CLCN6: variants seen among roughly 807,000 people sequenced by gnomAD.
CLCN6 encodes the protein Cl-/H+ antiporter 6.
In CLCN6, 70 loss-of-function variants were observed where a neutral mutation model predicts 109.8. The observed-to-expected ratio is 0.64, with a 90% CI of 0.53 to 0.78. The LOEUF (loss-of-function observed/expected upper bound fraction) is 0.78. Ranked by LOEUF, CLCN6 falls within the 30% of genes least tolerant of loss-of-function variation. The probability of loss-of-function intolerance (pLI) is 0.00; values close to 1 mark genes in which losing one functional copy is unlikely to be tolerated. For missense variants in CLCN6, 984 were observed against 1,142.3 expected (o/e 0.86, Z 2.00); for synonymous variants, 444 against 447.8 (o/e 0.99, Z 0.11).
chr1:11,838,358 C>G lies in CLCN6; in HGVS notation c.2319C>G (p.Ser773=). 6.2e-7 allele frequency: 1 copy of G among 1,613,954 alleles called. No homozygotes were observed. The highest frequency in any genetic ancestry group is 1.1e-5 in the South Asian group (1 of 91,084). The change falls in exon 21 of 23, where the codon TCC becomes TCG. Residue 773 remains serine (S), a synonymous_variant. Coordinates refer to ENST00000346436, the MANE Select transcript of CLCN6 (RefSeq NM_001286.5). ...AGAGCGCCAGCCAGCCGCGCCTCTC[C>G]TATGCCGAGATGGCCGAGGACTACC... is the stretch of plus-strand genomic sequence containing the variant. ...SQSSASQPRL[S]YAEMAEDYPR... is the part of the protein sequence containing the mutation.
chr1:11,834,375 C>G lies in CLCN6; in HGVS notation c.1666C>G (p.Pro556Ala). Reference protein sequence around the residue: ...ESTNEITYGLPIMVTLMVAKW... With the variant: ...ESTNEITYGLAIMVTLMVAKW... ...CACCAATGAGATCACCTACGGGCTC[C>G]CCATCATGGTCACACTGATGGTGAG... is the stretch of plus-strand genomic sequence containing the variant. The change falls in exon 16 of 23, where the codon CCC (proline) becomes GCC (alanine). Residue 556 changes from proline to alanine, a missense_variant. Coordinates refer to ENST00000346436, the MANE Select transcript of CLCN6 (RefSeq NM_001286.5). This position sits in a 1 kb window ranked among gnomAD's most constrained non-coding sequence, Gnocchi z 4.5. The G allele has an allele frequency of 6.2e-7, 1 of 1,614,046 alleles. No individual in the cohort carries two copies.
At chr1:11,829,117 G>T (rs993028843) in intron 12 of CLCN6, 79 bp from the exon 13 acceptor site, 6 of 1,547,710 alleles carry the variant, frequency 3.9e-6, no homozygotes, top group Middle Eastern at 2.3e-4. Flanking sequence ...GGGGCTGGGG[G>T]TAGGCAGGGT....
chr1:11,838,014 G>T (rs1006815923), intron 20 of CLCN6, among the ~76,000 whole-genome samples: 2 of 152,172 alleles, frequency 1.3e-5, no homozygotes, highest in African/African-American at 4.8e-5. Context: ...ATATCTTTTG[G>T]TGGGGGGACA....
rs1645030235 is a variant in CLCN6, at chr1:11,842,041, C to T, written c.*1818C>T. 1 of 152,200 alleles carries T rather than the reference C, an allele frequency of 6.6e-6. No individual in the cohort carries two copies. Among genetic ancestry groups the T allele is most frequent in the Non-Finnish European group, 1.5e-5 (1 of 68,046 alleles). 9.4% of individuals were successfully genotyped at this position (152,200 alleles called of 1,614,324 possible). A position where few individuals can be genotyped will look rare whatever the true frequency, so the allele number is the denominator to read the frequency against. ...TATGGCAGTGTTCAGAGCTTGATCA[C>T]GTTATTTCTTCCTTTTATTAAGAAG... On this transcript the variant is annotated 3_prime_UTR_variant, in exon 23 of 23. Transcript: ENST00000346436.
At position 11,840,261 on chromosome 1, in the gene CLCN6, G is replaced by A; in HGVS notation, c.*38G>A. On this transcript the variant is annotated 3_prime_UTR_variant, in exon 23 of 23. Coordinates refer to ENST00000346436, the MANE Select transcript of CLCN6 (RefSeq NM_001286.5). ...CCCTCTCCTGGTGCTGCCTGGGGAG[G>A]CAAATCATGCTCACTCCGGCGGGCA... The A allele has an allele frequency of 3.2e-6, 5 of 1,555,366 alleles. No homozygotes were observed. Among genetic ancestry groups the A allele is most frequent in the South Asian group, 1.1e-5 (1 of 90,072 alleles).
intron 17 of CLCN6, among the ~76,000 whole-genome samples, chr1:11,835,655 C>T (rs1263410690): frequency 2.6e-5 from 4 of 152,080 alleles, no homozygotes; most frequent in African/African-American, 4.8e-5. Context: ...TGCAGGGCAC[C>T]GAGGAGGGCG....
At chr1:11,807,243 C>A (rs1451261491) in intron 2 of CLCN6, 53 bp downstream of exon 2, 4 of 1,489,660 alleles carry the variant, frequency 2.7e-6, no homozygotes, top group Non-Finnish European at 2.8e-6. Flanking sequence ...GGCCTGGTCA[C>A]TTCAGGCCGA....
At position 11,828,833 on chromosome 1, in the gene CLCN6, C is replaced by G. The variant is rs144593196; in HGVS notation, c.1121+209C>G. ...TTGATGTCAGAGTTGCTGGTTGACT[C>G]CCTGCCTGTCCTGACTTGGCCACTC... On this transcript the variant is annotated intron_variant, in intron 12 of 22. Transcript: ENST00000346436. Among the ~76,000 whole-genome samples the G allele has an allele frequency of 4.2e-3, 634 of 152,314 alleles. 9 individuals carry two copies. Among genetic ancestry groups the G allele is most frequent in the African/African-American group, 0.015 (606 of 41,568 alleles).
chr1:11,824,389 G>T, intron 7 of CLCN6, 97 bp from the exon 8 acceptor site: 1 of 882,540 alleles, frequency 1.1e-6, no homozygotes, highest in Non-Finnish European at 1.8e-6. Context: ...GATCATCTCT[G>T]TTCAGTTGTC....
chr1:11,824,899 A>G (rs1025071434), intron 8 of CLCN6, among the ~76,000 whole-genome samples: 35 of 152,190 alleles, frequency 2.3e-4, no homozygotes, highest in South Asian at 2.1e-4. Flanking sequence ...CGAAGCATCG[A>G]CTGACATGGT....
In CLCN6 at chr1:11,834,611, A is replaced by G. The variant is rs371624055; in HGVS notation, c.1793+21A>G. 2.9e-5 allele frequency: 47 copies of G among 1,596,724 alleles called. No homozygotes were observed. In the African/African-American group the frequency reaches 5.5e-4, roughly 19 times the overall value. On this transcript the variant is annotated intron_variant, in intron 17 of 22. Coordinates refer to ENST00000346436, the MANE Select transcript of CLCN6 (RefSeq NM_001286.5). The surrounding 1 kb of genome is among the most constrained non-coding windows in gnomAD (Gnocchi z 4.5). ...GACAAGTAAGGCCATGATTTTGCTC[A>G]TGTCCTAGTTTCAGAATGTATAAGC...
At chr1:11,808,402 C>A (rs1024380239) in intron 2 of CLCN6, among the ~76,000 whole-genome samples, 2 of 152,028 alleles carry the variant, frequency 1.3e-5, no homozygotes, top group Non-Finnish European at 2.9e-5. Context: ...CCGCCCTTCC[C>A]ATGTTATTTT....
At chr1:11,829,533 C>T (rs998885129) in intron 13 of CLCN6, among the ~76,000 whole-genome samples, 2 of 151,946 alleles carry the variant, frequency 1.3e-5, no homozygotes, top group Non-Finnish European at 2.9e-5. Flanking sequence ...CTTCTGTGAA[C>T]AACCCTGGCG....
chr1:11,821,073 TC>T lies in CLCN6; in HGVS notation c.346+1520del, dbSNP rs1320865192. On this transcript the variant is annotated intron_variant, in intron 5 of 22. Coordinates refer to ENST00000346436, the MANE Select transcript of CLCN6 (RefSeq NM_001286.5). The stretch of plus-strand genomic sequence containing the variant: ...CCTGGGCAATGAGAGCAAAACTGTC[TC>T]AAAAAACAACAACAAAAAAAAAAAA... 3.7e-4 allele frequency among the ~76,000 whole-genome samples: 46 copies of T among 123,098 alleles called. 1 individual carries two copies. The highest frequency in any genetic ancestry group is 5.5e-4 in the Non-Finnish European group (32 of 58,260). 80.8% of individuals were successfully genotyped at this position (123,098 alleles called of 152,430 possible).
chr1:11,834,217 C>T lies in CLCN6; in HGVS notation c.1527-19C>T, dbSNP rs538123516. 31 of 1,606,314 alleles carry T rather than the reference C, an allele frequency of 1.9e-5. No homozygotes were observed. Among genetic ancestry groups the T allele is most frequent in the African/African-American group, 9.4e-5 (7 of 74,634 alleles). On this transcript the variant is annotated intron_variant, in intron 15 of 22. Coordinates refer to ENST00000346436, the MANE Select transcript of CLCN6 (RefSeq NM_001286.5). The surrounding 1 kb of genome is among the most constrained non-coding windows in gnomAD (Gnocchi z 4.5). ...TCAGTGTGGTTCAAAGCCATGTTCT[C>T]GGTGTTTTCCTTCACTAGCTACATT...
In CLCN6 at chr1:11,842,944, G is replaced by T. The variant is rs1341810037; in HGVS notation, c.*2721G>T. 6.6e-6 allele frequency: 1 copy of T among 152,286 alleles called. No homozygotes were observed. Among genetic ancestry groups the T allele is most frequent in the Non-Finnish European group, 1.5e-5 (1 of 68,058 alleles). 9.4% of individuals were successfully genotyped at this position (152,286 alleles called of 1,614,324 possible). ...TTGCACCACAGCTCTGCGGACCTTG[G>T]CCATTGCCGCAGTCGCAGCTTCCTT... On this transcript the variant is annotated 3_prime_UTR_variant, in exon 23 of 23. Coordinates refer to ENST00000346436, the MANE Select transcript of CLCN6 (RefSeq NM_001286.5).
chr1:11,835,853 G>C (rs566283091), intron 17 of CLCN6, 114 bp from the exon 18 acceptor site: 19 of 784,946 alleles, frequency 2.4e-5, no homozygotes, highest in Admixed American at 2.3e-4. Flanking sequence ...GGGCAGTTCA[G>C]AAGAGCCCCC....
chr1:11,811,088 G>A (rs1460023137), intron 2 of CLCN6, among the ~76,000 whole-genome samples: 2 of 152,022 alleles, frequency 1.3e-5, no homozygotes, highest in Admixed American at 6.6e-5. Flanking sequence ...TGGCTAACCT[G>A]TGGTCCCCCC....
rs138451731 is a variant in CLCN6 at position 11,817,297 on chromosome 1, G to A, written c.279+617G>A. ...TCGTGGGTACGGAACTGTGAACATC[G>A]TGCCCTTCATTTAGCACAGCGTGCC... On this transcript the variant is annotated intron_variant, in intron 4 of 22. Coordinates refer to ENST00000346436, the MANE Select transcript of CLCN6 (RefSeq NM_001286.5). Among the ~76,000 whole-genome samples the A allele has an allele frequency of 2.0e-3, 303 of 152,242 alleles. 1 individual carries two copies. Among genetic ancestry groups the A allele is most frequent in the African/African-American group, 6.3e-3 (260 of 41,544 alleles).
Sources: allele counts gnomAD v4.1 joint callset (sites outside exome capture counted in the v4.1 genomes callset), GRCh38; gene constraint gnomAD v4.1.1; non-coding constraint Gnocchi (gnomAD v3.1); transcripts MANE v1.5; gene names NCBI Gene and HGNC (gene_info 2026-07-23, HGNC 2026-07-21).